The following ZFAND3 variants were observed in gnomAD, a reference collection of about 807,000 sequenced individuals.
ZFAND3 encodes AN1-type zinc finger protein 3.
ZFAND3 carries 10 observed loss-of-function variants against 29.6 expected under a neutral mutation model. The observed-to-expected ratio is 0.34, with a 90% CI of 0.21 to 0.57. The LOEUF is 0.57. ZFAND3 is among the 20% of genes least tolerant of loss of function. ZFAND3 has a pLI of 0.86. For synonymous variants in ZFAND3, 128 were observed against 112.6 expected (o/e 1.14, Z -0.87); for missense variants, 230 against 304.5 (o/e 0.76, Z 1.82).
At chr6:37,938,703 C>A (rs895670279) in intron 2 of ZFAND3, among the ~76,000 whole-genome samples, 9 of 152,132 alleles carry the variant, frequency 5.9e-5, no homozygotes, top group African/African-American at 2.2e-4. Flanking sequence ...AATAAGCATT[C>A]TTAAATTGTG....
intron 4 of ZFAND3, among the ~76,000 whole-genome samples, chr6:38,109,474 G>A (rs1462130535): frequency 6.6e-6 from 1 of 152,038 alleles, no homozygotes; most frequent in African/African-American, 2.4e-5. Context: ...GAGTCACTGC[G>A]CCCAGCCTGC....
At chr6:38,113,466 C>A (rs931996339) in intron 4 of ZFAND3, among the ~76,000 whole-genome samples, 1 of 152,100 alleles carries the variant, frequency 6.6e-6, no homozygotes, top group Non-Finnish European at 1.5e-5. Flanking sequence ...TGGAATAGAT[C>A]AAGGAAAATC....
At chr6:38,026,741 T>C (rs1402734694) in intron 2 of ZFAND3, among the ~76,000 whole-genome samples, 1 of 152,070 alleles carries the variant, frequency 6.6e-6, no homozygotes, top group African/African-American at 2.4e-5. Flanking sequence ...AATCCAATTT[T>C]AGGATCTTAT....
At chr6:37,822,387 A>G (rs779001341) in intron 1 of ZFAND3, among the ~76,000 whole-genome samples, 1 of 152,218 alleles carries the variant, frequency 6.6e-6, no homozygotes, top group Admixed American at 6.5e-5. Flanking sequence ...GTTTGTAGAC[A>G]ATTGTGTAGT....
intron 2 of ZFAND3, among the ~76,000 whole-genome samples, chr6:37,971,889 A>G (rs1159642413): frequency 6.6e-6 from 1 of 151,114 alleles, no homozygotes; most frequent in African/African-American, 2.4e-5. Flanking sequence ...TAGTCCCTCT[A>G]CTTGAGAGGT....
chr6:38,113,448 T>C (rs1765357955), intron 4 of ZFAND3, among the ~76,000 whole-genome samples: 1 of 152,220 alleles, frequency 6.6e-6, no homozygotes, highest in African/African-American at 2.4e-5. Context: ...GTGGTCTTTA[T>C]ATTAATGTGG....
At chr6:38,043,044 G>C (rs566015255) in intron 2 of ZFAND3, among the ~76,000 whole-genome samples, 1 of 152,156 alleles carries the variant, frequency 6.6e-6, no homozygotes, top group South Asian at 2.1e-4. Flanking sequence ...CCTACATTAA[G>C]AAATATATTT....
At chr6:38,100,816 C>T (rs1765078014) in intron 4 of ZFAND3, among the ~76,000 whole-genome samples, 1 of 152,154 alleles carries the variant, frequency 6.6e-6, no homozygotes, top group African/African-American at 2.4e-5. Flanking sequence ...CCAGCTTTTC[C>T]TAATGTTAAC....
chr6:37,997,264 G>A (rs1043401417), intron 2 of ZFAND3, among the ~76,000 whole-genome samples: 3 of 152,134 alleles, frequency 2.0e-5, no homozygotes, highest in African/African-American at 2.4e-5. Context: ...GTGCTTTAAC[G>A]TATCAGTCTT....
At chr6:38,081,289 G>C (rs1202081753) in intron 3 of ZFAND3, among the ~76,000 whole-genome samples, 1 of 151,732 alleles carries the variant, frequency 6.6e-6, no homozygotes, top group Non-Finnish European at 1.5e-5. Context: ...TTTCCCATCT[G>C]TGTCTTCTTA....
intron 2 of ZFAND3, among the ~76,000 whole-genome samples, chr6:38,037,243 C>T (rs1269308900): frequency 6.6e-5 from 10 of 152,184 alleles, no homozygotes; most frequent in African/African-American, 2.4e-4. Flanking sequence ...AACAGGCCAT[C>T]AGTGGGAAAT....
intron 1 of ZFAND3, among the ~76,000 whole-genome samples, chr6:37,828,736 C>T (rs1763803554): frequency 6.6e-6 from 1 of 151,948 alleles, no homozygotes; most frequent in Non-Finnish European, 1.5e-5. Flanking sequence ...GCAACCTCTG[C>T]CTCCCGGATT....
At chr6:37,827,675 G>C (rs1237016626) in intron 1 of ZFAND3, among the ~76,000 whole-genome samples, 1 of 152,208 alleles carries the variant, frequency 6.6e-6, no homozygotes, top group East Asian at 1.9e-4. Context: ...CATCCATGAG[G>C]CTGAGGGACA....
chr6:38,110,541 G>T (rs1286803710), intron 4 of ZFAND3, among the ~76,000 whole-genome samples: 2 of 152,150 alleles, frequency 1.3e-5, no homozygotes, highest in African/African-American at 4.8e-5. Flanking sequence ...CTTTTAAGTG[G>T]TCGAAGGAGA....
intron 1 of ZFAND3, among the ~76,000 whole-genome samples, chr6:37,847,829 ACATGAAATT>A (rs1764210511): frequency 6.6e-6 from 1 of 152,250 alleles, no homozygotes; most frequent in South Asian, 2.1e-4. Flanking sequence ...TGTGAAAATT[ACATGAAATT>A]CAATTCAGTA....
chr6:37,821,918 G>A (rs1425883661), intron 1 of ZFAND3, among the ~76,000 whole-genome samples: 2 of 152,178 alleles, frequency 1.3e-5, no homozygotes, highest in African/African-American at 4.8e-5. Context: ...ACTGCAGCCT[G>A]CACCTCCCGG....
chr6:37,945,675 G>A (rs761850793), intron 2 of ZFAND3, among the ~76,000 whole-genome samples: 2 of 152,160 alleles, frequency 1.3e-5, no homozygotes, highest in African/African-American at 2.4e-5. Context: ...GCACCCGGCC[G>A]ACATAGTCTT....
At chr6:37,870,596 C>G in intron 1 of ZFAND3, among the ~76,000 whole-genome samples, 1 of 105,366 alleles carries the variant, frequency 9.5e-6, no homozygotes. Context: ...AAGGCTCTGT[C>G]TCAGAAAAAA....
chr6:37,844,772 T>A (rs1056964441), intron 1 of ZFAND3, among the ~76,000 whole-genome samples: 8 of 149,178 alleles, frequency 5.4e-5, no homozygotes, highest in Non-Finnish European at 3.0e-5. Context: ...CCCAGCACTT[T>A]GGGAGGCCGA....
Sources: allele counts gnomAD v4.1 joint callset (sites outside exome capture counted in the v4.1 genomes callset), GRCh38; gene constraint gnomAD v4.1.1; transcripts MANE v1.5; gene names NCBI Gene and HGNC (gene_info 2026-07-23, HGNC 2026-07-21).